The following DLG1 variants were observed in gnomAD, a reference collection of about 807,000 sequenced individuals.
DLG1 encodes the protein discs large MAGUK scaffold protein 1.
A neutral mutation model predicts 123.4 loss-of-function variants in DLG1; 42 were observed. The observed-to-expected ratio is 0.34, with a 90% CI of 0.27 to 0.44. The LOEUF (loss-of-function observed/expected upper bound fraction) is 0.44, where lower values mean the gene tolerates loss of function less well. Among genes scored for constraint, DLG1 ranks in the 20% least tolerant of loss-of-function variants. The pLI, the probability that DLG1 is intolerant of heterozygous loss-of-function variation, is 1.00. For missense variants in DLG1, 942 were observed against 1,082.6 expected (o/e 0.87, Z 1.82); for synonymous variants, 317 against 356.2 (o/e 0.89, Z 1.24).
chr3:197,220,661 A>C (rs11185467), intron 4 of DLG1, among the ~76,000 whole-genome samples: 92,350 of 136,402 alleles, frequency 0.68, 28,797 homozygotes, highest in East Asian at 0.81. Context: ...TTTGTACCCC[A>C]CCTATCCAGC....
chr3:197,085,271 T>C (rs559529717), intron 16 of DLG1: 15 of 353,814 alleles, frequency 4.2e-5, no homozygotes, highest in African/African-American at 3.2e-4. Flanking sequence ...AGTACAGTAC[T>C]ATTACCTGTA....
intron 23 of DLG1, among the ~76,000 whole-genome samples, chr3:197,059,084 C>T (rs1256851439): frequency 6.6e-6 from 1 of 152,168 alleles, no homozygotes; most frequent in East Asian, 1.9e-4. Context: ...CGCGACCACG[C>T]CCGGCTAATT....
chr3:197,166,071 C>T (rs1049308287), intron 5 of DLG1, among the ~76,000 whole-genome samples: 6 of 152,102 alleles, frequency 3.9e-5, no homozygotes, highest in East Asian at 1.9e-4. Flanking sequence ...AGCATGGTGA[C>T]GAGGGTGTCT....
At chr3:197,252,195 A>G (rs1200647304) in intron 4 of DLG1, among the ~76,000 whole-genome samples, 1 of 152,174 alleles carries the variant, frequency 6.6e-6, no homozygotes, top group Non-Finnish European at 1.5e-5. Context: ...AGATTTAAAG[A>G]TGCTTCTACC....
At chr3:197,217,193 A>G (rs1175202942) in intron 4 of DLG1, among the ~76,000 whole-genome samples, 2 of 152,338 alleles carry the variant, frequency 1.3e-5, no homozygotes, top group East Asian at 3.9e-4. Flanking sequence ...ATAGTGATAC[A>G]CCATAATTTG....
intron 24 of DLG1, among the ~76,000 whole-genome samples, chr3:197,051,364 G>A (rs1220381173): frequency 6.6e-6 from 1 of 152,190 alleles, no homozygotes; most frequent in South Asian, 2.1e-4. Context: ...CGGAGGTTGC[G>A]GTGAGCCGAG....
At chr3:197,161,710 GGAGGA>G (rs867285974) in intron 5 of DLG1, 1 of 1,575,154 alleles carries the variant, frequency 6.3e-7, no homozygotes, top group Non-Finnish European at 8.6e-7. Flanking sequence ...AGGGACAGTG[GGAGGA>G]GAGGGAAGAA....
chr3:197,101,977 G>C (rs559201463), intron 14 of DLG1, among the ~76,000 whole-genome samples: 3 of 151,816 alleles, frequency 2.0e-5, no homozygotes, highest in African/African-American at 7.3e-5. Context: ...GGCTGGTCTC[G>C]AACTCCTGGG....
chr3:197,069,025 AT>A (rs2148918728), intron 19 of DLG1, among the ~76,000 whole-genome samples, 193 bp downstream of exon 19: 1 of 152,190 alleles, frequency 6.6e-6, no homozygotes, highest in African/African-American at 2.4e-5. Flanking sequence ...TTTTATTAAA[AT>A]TTTATAAATT....
chr3:197,154,837 T>A (rs1561090632), intron 5 of DLG1, among the ~76,000 whole-genome samples: 1 of 151,566 alleles, frequency 6.6e-6, no homozygotes, highest in East Asian at 1.9e-4. Context: ...TCTGAGCAGG[T>A]AAAAAAAGTA....
chr3:197,279,899 A>G (rs1768359195), intron 4 of DLG1, among the ~76,000 whole-genome samples: 1 of 152,234 alleles, frequency 6.6e-6, no homozygotes, highest in South Asian at 2.1e-4. Flanking sequence ...TATAGGGTAC[A>G]TGCGATATTT....
chr3:197,056,969 G>A (rs1355066350), intron 23 of DLG1, among the ~76,000 whole-genome samples: 1 of 152,200 alleles, frequency 6.6e-6, no homozygotes, highest in Non-Finnish European at 1.5e-5. Flanking sequence ...GTATGTGGCT[G>A]GAGATTGCTC....
chr3:197,195,950 A>G (rs1406839563), intron 4 of DLG1, among the ~76,000 whole-genome samples: 1 of 152,100 alleles, frequency 6.6e-6, no homozygotes, highest in Non-Finnish European at 1.5e-5. Flanking sequence ...AGAAAAAAAA[A>G]ATACAGCATC....
At chr3:197,255,217 T>C (rs1447354570) in intron 4 of DLG1, among the ~76,000 whole-genome samples, 1 of 152,210 alleles carries the variant, frequency 6.6e-6, no homozygotes, top group East Asian at 1.9e-4. Context: ...CAAAGACTAC[T>C]AGACAATCAC....
intron 16 of DLG1, among the ~76,000 whole-genome samples, chr3:197,084,357 G>C (rs1752951343): frequency 6.6e-6 from 1 of 151,314 alleles, no homozygotes; most frequent in Non-Finnish European, 1.5e-5. Flanking sequence ...TGTCGCCGAG[G>C]CTGGAGTGCA....
intron 6 of DLG1, 93 bp from the exon 7 acceptor site, chr3:197,142,861 T>C: frequency 1.1e-6 from 1 of 887,664 alleles, no homozygotes; most frequent in Non-Finnish European, 1.8e-6. Context: ...AATGAAAACC[T>C]GTTGAATGCG....
At chr3:197,282,377 CCATTTT>C (rs1769817581) in intron 4 of DLG1, among the ~76,000 whole-genome samples, 1 of 152,178 alleles carries the variant, frequency 6.6e-6, no homozygotes, top group Non-Finnish European at 1.5e-5. Flanking sequence ...AGTACCATTT[CCATTTT>C]AATTACCACA....
At chr3:197,116,597 G>A (rs1403996679) in intron 12 of DLG1, among the ~76,000 whole-genome samples, 1 of 152,156 alleles carries the variant, frequency 6.6e-6, no homozygotes, top group African/African-American at 2.4e-5. Flanking sequence ...TCTGGTAAAT[G>A]AAGGGAAATT....
In DLG1 at chr3:197,116,168, TTA is replaced by T. The variant is rs1235911713; in HGVS notation, c.1287-87_1287-86del. 3.8e-6 allele frequency: 4 copies of T among 1,058,222 alleles called. No individual in the cohort carries two copies. In the African/African-American group the frequency reaches 4.9e-5, roughly 13 times the overall value. The allele number at this position is 1,058,222 out of a possible 1,614,324, so 65.6% of individuals were successfully genotyped here. A position where few individuals can be genotyped will look rare whatever the true frequency, so the allele number is the denominator to read the frequency against. ...AGTGAGAACTACCTACTGATAATTT[TTA>T]TGTTATCAAACTACAAAGAAAGCTA... is the stretch of plus-strand genomic sequence containing the variant. On this transcript the variant is annotated intron_variant, in intron 12 of 24. Transcript: ENST00000667157.
Sources: gnomAD v4.1 joint callset for allele counts (sites outside exome capture counted in the v4.1 genomes callset) on GRCh38, gnomAD v4.1.1 for gene constraint, MANE v1.5 for transcripts, NCBI Gene and HGNC (gene_info 2026-07-23, HGNC 2026-07-21) for gene names.